DOCK11: variants seen among roughly 807,000 people sequenced by gnomAD.
The protein encoded by DOCK11 is dedicator of cytokinesis 11.
A neutral mutation model predicts 169.1 loss-of-function variants in DOCK11; 70 were observed. The observed-to-expected ratio is 0.41, with a 90% CI of 0.34 to 0.51. The LOEUF is 0.51. Ranked by LOEUF, DOCK11 falls within the 20% of genes least tolerant of loss-of-function variation. The pLI is 0.10. For synonymous variants in DOCK11, 529 were observed against 541.3 expected (o/e 0.98, Z 0.32); for missense variants, 1,166 against 1,538.8 (o/e 0.76, Z 4.05).
intron 36 of DOCK11, among the ~76,000 whole-genome samples, chrX:118,637,447 C>A (rs769362790): frequency 8.1e-5 from 9 of 111,773 alleles, no homozygotes; most frequent in African/African-American, 2.3e-4. Context: ...TGTGGAAGAA[C>A]CTTTTAGAGA....
At chrX:118,519,600 A>G (rs2057710906) in intron 1 of DOCK11, among the ~76,000 whole-genome samples, 1 of 111,791 alleles carries the variant, frequency 8.9e-6, no homozygotes, top group Non-Finnish European at 1.9e-5. Flanking sequence ...CAAGGCGCTG[A>G]TGAAATGAGT....
At chrX:118,567,059 T>C (rs2013102227) in intron 9 of DOCK11, among the ~76,000 whole-genome samples, 1 of 112,444 alleles carries the variant, frequency 8.9e-6, no homozygotes, top group Admixed American at 9.4e-5. Context: ...TCTCTATATG[T>C]AAATATATGT....
rs961338688 is a variant in DOCK11 at position 118,549,129 on chromosome X, T to A, written c.558+3013T>A. ...TTCTGTGTGTGTGTGTGTGTGTGTG[T>A]GATCATTAACATATAAAACTTTTTT... On this transcript the variant is annotated intron_variant, in intron 6 of 52. Transcript: ENST00000276202. 2.8e-5 allele frequency among the ~76,000 whole-genome samples: 3 copies of A among 105,611 alleles called. No homozygotes were observed. In the South Asian group the frequency reaches 1.2e-3, roughly 42 times the overall value. The allele number at this position is 105,611 out of a possible 115,157, so 91.7% of individuals were successfully genotyped here.
At chrX:118,496,664 G>C (rs1410170807) in intron 1 of DOCK11, among the ~76,000 whole-genome samples, 1 of 112,050 alleles carries the variant, frequency 8.9e-6, no homozygotes, top group Admixed American at 9.3e-5. Flanking sequence ...GTGGTGATGG[G>C]TGTTGAAGGG....
chrX:118,501,028 AT>A (rs2057572504), intron 1 of DOCK11, among the ~76,000 whole-genome samples: 1 of 111,829 alleles, frequency 8.9e-6, no homozygotes, highest in African/African-American at 3.3e-5. Flanking sequence ...ATATAATCAT[AT>A]TTAATGACTG....
At chrX:118,614,974 G>T (rs768845844) in intron 29 of DOCK11, among the ~76,000 whole-genome samples, 199 bp downstream of exon 29, 2 of 112,103 alleles carry the variant, frequency 1.8e-5, no homozygotes, top group Non-Finnish European at 3.8e-5. Flanking sequence ...CTCATTTTAA[G>T]GATTCACAGA....
intron 12 of DOCK11, among the ~76,000 whole-genome samples, chrX:118,577,200 A>G (rs1401502946): frequency 1.8e-5 from 2 of 112,209 alleles, no homozygotes; most frequent in Non-Finnish European, 3.8e-5. Flanking sequence ...TTAGCGTAAC[A>G]CTGCACTCAA....
chrX:118,548,325 A>C (rs915717695), intron 6 of DOCK11, among the ~76,000 whole-genome samples: 1 of 112,322 alleles, frequency 8.9e-6, no homozygotes, highest in African/African-American at 3.2e-5. Flanking sequence ...ATACACATTG[A>C]TTGATTGATG....
intron 14 of DOCK11, among the ~76,000 whole-genome samples, chrX:118,581,348 A>G (rs2013627239): frequency 8.9e-6 from 1 of 111,858 alleles, no homozygotes; most frequent in African/African-American, 3.3e-5. Context: ...GACTGGTAAA[A>G]AAAAATGATA....
In DOCK11 at chrX:118,627,589, C is replaced by T. The variant is rs1182740852; in HGVS notation, c.3664+10C>T. 1 of 1,179,894 alleles carries T rather than the reference C, an allele frequency of 8.5e-7. No individual in the cohort carries two copies. Among genetic ancestry groups the T allele is most frequent in the Non-Finnish European group, 1.2e-6 (1 of 867,456 alleles). On this transcript the variant is annotated intron_variant, in intron 33 of 52. Coordinates refer to ENST00000276202, the MANE Select transcript of DOCK11 (RefSeq NM_144658.4). Reference sequence around the variant, plus strand: ...ACTGACAAAGACACCGGTAATTAAACCTTTTGGAGATGATACATTGCGTGG... The same window carrying T: ...ACTGACAAAGACACCGGTAATTAAATCTTTTGGAGATGATACATTGCGTGG...
At chrX:118,603,539 T>C (rs778714887) in intron 23 of DOCK11, among the ~76,000 whole-genome samples, 2 of 112,273 alleles carry the variant, frequency 1.8e-5, no homozygotes, top group African/African-American at 3.2e-5. Context: ...AGACATTCCC[T>C]ACCCACTTGC....
intron 6 of DOCK11, among the ~76,000 whole-genome samples, chrX:118,557,497 G>A (rs1455499508): frequency 9.0e-6 from 1 of 110,803 alleles, no homozygotes; most frequent in African/African-American, 3.3e-5. Context: ...GGCCGGGCGC[G>A]GTGGCTCATG....
intron 1 of DOCK11, among the ~76,000 whole-genome samples, chrX:118,499,514 T>C (rs1192373080): frequency 8.9e-6 from 1 of 111,922 alleles, no homozygotes; most frequent in Non-Finnish European, 1.9e-5. Context: ...CTGCAGCTGT[T>C]GACTCCCCCA....
chrX:118,517,675 G>T (rs758732845), intron 1 of DOCK11, among the ~76,000 whole-genome samples: 1 of 110,646 alleles, frequency 9.0e-6, no homozygotes, highest in Non-Finnish European at 1.9e-5. Flanking sequence ...CTAGTGCTTT[G>T]CGTATCTCAG....
chrX:118,666,044 G>C (rs2016332435), intron 45 of DOCK11, among the ~76,000 whole-genome samples: 1 of 111,025 alleles, frequency 9.0e-6, no homozygotes, highest in African/African-American at 3.3e-5. Context: ...GATCACTTGA[G>C]GCCAGGAGTT....
chrX:118,638,887 C>A (rs1304582002), intron 37 of DOCK11, among the ~76,000 whole-genome samples: 3 of 112,121 alleles, frequency 2.7e-5, no homozygotes, highest in Non-Finnish European at 5.6e-5. Context: ...AGAGGATAAA[C>A]AAACTATTTC....
rs2057632453 is a variant in DOCK11 at position 118,509,037 on chromosome X, G to A, written c.102+12964G>A. ...CTTTAAAATCCATTTCCAGTCAACT[G>A]GATTTGGATCTTCTTGTCCCCTTGT... On this transcript the variant is annotated intron_variant, in intron 1 of 52. Coordinates refer to ENST00000276202, the MANE Select transcript of DOCK11 (RefSeq NM_144658.4). 1.8e-5 allele frequency among the ~76,000 whole-genome samples: 2 copies of A among 111,755 alleles called. 1 individual carries two copies. Among genetic ancestry groups the A allele is most frequent in the African/African-American group, 6.5e-5 (2 of 30,704 alleles).
intron 1 of DOCK11, among the ~76,000 whole-genome samples, chrX:118,527,960 A>G (rs2011415561): frequency 2.7e-5 from 3 of 112,622 alleles, no homozygotes; most frequent in African/African-American, 9.7e-5. Flanking sequence ...TGGTACCCCA[A>G]AAGGTATTGG....
At chrX:118,512,122 G>A (rs1197117044) in intron 1 of DOCK11, among the ~76,000 whole-genome samples, 2 of 111,521 alleles carry the variant, frequency 1.8e-5, no homozygotes, top group African/African-American at 3.3e-5. Context: ...GGCTGGTCGC[G>A]AACTCCTGAG....
Sources: allele counts gnomAD v4.1 joint callset (sites outside exome capture counted in the v4.1 genomes callset), GRCh38; gene constraint gnomAD v4.1.1; transcripts MANE v1.5; gene names NCBI Gene and HGNC (gene_info 2026-07-23, HGNC 2026-07-21).